The following CNTNAP2 variants were observed in gnomAD, a reference collection of about 807,000 sequenced individuals.
CNTNAP2 encodes the protein contactin associated protein 2.
In CNTNAP2, 98 loss-of-function variants were observed where a neutral mutation model predicts 155.2. The observed-to-expected ratio is 0.63, with a 90% CI of 0.54 to 0.75. The LOEUF (loss-of-function observed/expected upper bound fraction) is 0.75, where lower values mean the gene tolerates loss of function less well. Ranked by LOEUF, CNTNAP2 falls within the 30% of genes least tolerant of loss-of-function variation. The probability of loss-of-function intolerance (pLI) is 0.00; values close to 1 mark genes in which losing one functional copy is unlikely to be tolerated. For synonymous variants in CNTNAP2, 651 were observed against 631.2 expected (o/e 1.03, Z -0.47); for missense variants, 1,727 against 1,688.1 (o/e 1.02, Z -0.40).
chr7:147,470,649 A>G (rs967735720), intron 10 of CNTNAP2, among the ~76,000 whole-genome samples: 1 of 152,184 alleles, frequency 6.6e-6, no homozygotes, highest in African/African-American at 2.4e-5. Context: ...TGAGGAGTCC[A>G]AGATCATTTC....
chr7:147,317,748 A>C (rs556341799), intron 9 of CNTNAP2, among the ~76,000 whole-genome samples: 3 of 151,588 alleles, frequency 2.0e-5, no homozygotes, highest in Non-Finnish European at 4.4e-5. Context: ...TGTCGCTTAA[A>C]CTTCAAAAAA....
chr7:146,820,445 C>T (rs1803258022), intron 2 of CNTNAP2, among the ~76,000 whole-genome samples: 1 of 152,000 alleles, frequency 6.6e-6, no homozygotes, highest in South Asian at 2.1e-4. Flanking sequence ...AAACCTCAGA[C>T]ATTTGTCAGT....
chr7:146,426,000 A>G (rs906409707), intron 1 of CNTNAP2, among the ~76,000 whole-genome samples: 1 of 151,920 alleles, frequency 6.6e-6, no homozygotes, highest in South Asian at 2.1e-4. Context: ...AGCCTGCCCA[A>G]CATGGTAAAA....
chr7:148,051,683 T>C (rs1280455465), intron 15 of CNTNAP2, among the ~76,000 whole-genome samples: 4 of 152,232 alleles, frequency 2.6e-5, no homozygotes, highest in Admixed American at 2.6e-4. Context: ...AGACAAATTT[T>C]GCTAAGAAAA....
At chr7:147,316,177 CT>C (rs1335201903) in intron 9 of CNTNAP2, among the ~76,000 whole-genome samples, 1 of 151,996 alleles carries the variant, frequency 6.6e-6, no homozygotes, top group Non-Finnish European at 1.5e-5. Context: ...TGAAAAATTA[CT>C]AAATTACTTC....
chr7:146,534,952 T>G (rs1797824377), intron 1 of CNTNAP2, among the ~76,000 whole-genome samples: 2 of 145,450 alleles, frequency 1.4e-5, no homozygotes, highest in Admixed American at 1.5e-4. Context: ...AGAGAAATAT[T>G]TTGCATGCAT....
chr7:146,247,021 GT>G (rs1460187581), intron 1 of CNTNAP2, among the ~76,000 whole-genome samples: 1 of 152,174 alleles, frequency 6.6e-6, no homozygotes, highest in Non-Finnish European at 1.5e-5. Flanking sequence ...CTGTTGTGGG[GT>G]TTGAGGGCCA....
At chr7:147,789,320 C>T (rs1217787342) in intron 13 of CNTNAP2, among the ~76,000 whole-genome samples, 2 of 152,212 alleles carry the variant, frequency 1.3e-5, no homozygotes, top group African/African-American at 4.8e-5. Context: ...TTCACTTCCT[C>T]CACTGCAGTC....
Position 146,608,495 on chromosome 7 carries a change from C to T in CNTNAP2, c.98-165776C>T, listed in dbSNP as rs529300242. ...CAGTTAATAATGACAATACAGATTA[C>T]ATGCTTCAGTGAAGCAAATTCCTTT... On this transcript the variant is annotated intron_variant, in intron 1 of 23. Transcript: ENST00000361727. 5.5e-4 allele frequency among the ~76,000 whole-genome samples: 84 copies of T among 152,232 alleles called. 1 individual carries two copies. The highest frequency in any genetic ancestry group is 1.0e-3 in the Non-Finnish European group (69 of 67,994).
intron 11 of CNTNAP2, among the ~76,000 whole-genome samples, chr7:147,550,327 G>T (rs1190415758): frequency 1.3e-5 from 2 of 152,122 alleles, no homozygotes; most frequent in African/African-American, 2.4e-5. Flanking sequence ...TCATGGGGTG[G>T]TTTCCACCAT....
At chr7:146,523,759 G>A (rs540171795) in intron 1 of CNTNAP2, among the ~76,000 whole-genome samples, 23 of 151,990 alleles carry the variant, frequency 1.5e-4, no homozygotes, top group South Asian at 1.2e-3. Flanking sequence ...CAACCCTGTC[G>A]AACTATTGGC....
intron 21 of CNTNAP2, among the ~76,000 whole-genome samples, chr7:148,352,098 G>A (rs932841199): frequency 7.2e-5 from 11 of 152,152 alleles, no homozygotes; most frequent in Admixed American, 1.3e-4. Context: ...CAGGTCATTC[G>A]GGACCATGTA....
chr7:146,615,165 G>A (rs1384182522), intron 1 of CNTNAP2, among the ~76,000 whole-genome samples: 1 of 152,134 alleles, frequency 6.6e-6, no homozygotes, highest in Non-Finnish European at 1.5e-5. Context: ...GCACAGCTGT[G>A]TGCTATTAAT....
At chr7:147,734,357 G>A (rs1289889247) in intron 13 of CNTNAP2, among the ~76,000 whole-genome samples, 1 of 152,162 alleles carries the variant, frequency 6.6e-6, no homozygotes, top group Non-Finnish European at 1.5e-5. Flanking sequence ...TGCATCCCAG[G>A]GATGAAGCCC....
intron 14 of CNTNAP2, among the ~76,000 whole-genome samples, chr7:147,914,543 CAA>C (rs533915488): frequency 1.1e-3 from 92 of 85,728 alleles, no homozygotes; most frequent in African/African-American, 2.6e-3. Context: ...TCCATCTAAC[CAA>C]AAAAAAAAAA....
intron 8 of CNTNAP2, among the ~76,000 whole-genome samples, chr7:147,267,494 T>C (rs1804639113): frequency 6.6e-6 from 1 of 152,152 alleles, no homozygotes; most frequent in Admixed American, 6.5e-5. Flanking sequence ...CTCTCTCTGA[T>C]GTTCTGTTTC....
chr7:148,076,535 A>C (rs1051034279), intron 15 of CNTNAP2, among the ~76,000 whole-genome samples: 1 of 138,198 alleles, frequency 7.2e-6, no homozygotes, highest in African/African-American at 2.8e-5. Context: ...TCCCAGGTTC[A>C]TGCCATTCTC....
intron 4 of CNTNAP2, among the ~76,000 whole-genome samples, chr7:147,080,668 CAT>C (rs543132668): frequency 1.4e-5 from 2 of 144,536 alleles, no homozygotes; most frequent in Non-Finnish European, 1.5e-5. Flanking sequence ...ATGTATATGA[CAT>C]ATATATAACA....
At chr7:146,262,328 T>C (rs183691822) in intron 1 of CNTNAP2, among the ~76,000 whole-genome samples, 13 of 152,324 alleles carry the variant, frequency 8.5e-5, no homozygotes, top group Non-Finnish European at 2.9e-5. Flanking sequence ...CCCCCCTCAA[T>C]TGCACGTTAG....
Sources: allele counts gnomAD v4.1 joint callset (sites outside exome capture counted in the v4.1 genomes callset), GRCh38; gene constraint gnomAD v4.1.1; transcripts MANE v1.5; gene names NCBI Gene and HGNC (gene_info 2026-07-23, HGNC 2026-07-21).